EPHA10: variants seen among roughly 807,000 people sequenced by gnomAD.
EPHA10 encodes EPH receptor A10.
Under a neutral mutation model 109.7 loss-of-function variants are expected in EPHA10, and 120 were observed. The observed-to-expected ratio is 1.09, with a 90% CI of 0.94 to 1.27. The LOEUF (loss-of-function observed/expected upper bound fraction) is 1.27, where lower values mean the gene tolerates loss of function less well. Among genes scored for constraint, EPHA10 ranks in the 50% most tolerant of loss-of-function variants. The probability of loss-of-function intolerance (pLI) is 0.00; values close to 1 mark genes in which losing one functional copy is unlikely to be tolerated. For missense variants in EPHA10, 1,396 were observed against 1,411.1 expected, an observed-to-expected ratio of 0.99 and a Z score of 0.17; for synonymous variants, 640 against 618.9, an observed-to-expected ratio of 1.03 and a Z score of -0.51.
At position 37,718,458 on chromosome 1, in the gene EPHA10, C is replaced by G; in HGVS notation, c.2941G>C (p.Ala981Pro). The change falls in exon 17 of 17, where the codon GCT becomes CCT. Residue 981 changes from alanine to proline, a missense_variant. By Grantham distance (27) the Ala-to-Pro change is conservative (BLOSUM62 -1). Transcript: ENST00000373048. ...CTGAGGAGGGCCTCTCGATGTTCAG[C>G]CAAAGAGATGCCTAGGCTCACCAGG... ...QDLVSLGISL[A>P]EHREALLSGI... The G allele has an allele frequency of 6.2e-7, 1 of 1,613,476 alleles. No homozygotes were observed. Among genetic ancestry groups the G allele is most frequent in the Non-Finnish European group, 8.5e-7 (1 of 1,180,016 alleles).
chr1:37,722,689 G>C, intron 10 of EPHA10: 2 of 392,526 alleles, frequency 5.1e-6, no homozygotes, highest in South Asian at 4.1e-5. Context: ...CGGGTCAGTG[G>C]GAGAGCCAGG....
chr1:37,738,814 G>T (rs1056181787), intron 5 of EPHA10, among the ~76,000 whole-genome samples: 3 of 135,800 alleles, frequency 2.2e-5, no homozygotes, highest in African/African-American at 7.7e-5. Context: ...GGAATACTAT[G>T]CAGCCATAAA....
intron 5 of EPHA10, among the ~76,000 whole-genome samples, chr1:37,742,886 T>G (rs1646175878): frequency 6.6e-6 from 1 of 152,026 alleles, no homozygotes; most frequent in Non-Finnish European, 1.5e-5. Context: ...TCCTAGCCAC[T>G]TGGGAGGCTC....
intron 3 of EPHA10, among the ~76,000 whole-genome samples, chr1:37,757,519 T>C (rs1239063280): frequency 6.6e-6 from 1 of 152,188 alleles, no homozygotes; most frequent in Non-Finnish European, 1.5e-5. Flanking sequence ...ACTTCTATAC[T>C]TCTCCAAACC....
chr1:37,761,803 T>G lies in EPHA10; in HGVS notation c.452A>C (p.Lys151Thr), dbSNP rs1055490536. The change falls in exon 3 of 17, where the codon AAA becomes ACA. Residue 151 changes from lysine (K) to threonine (T), a missense_variant. Transcript: ENST00000373048. ...RPRLGGSRPR[K>T]IDTIAADESF... ...CTCGTCCGCCGCGATCGTGTCGATT[T>G]TGCGGGGCCGGCTGCCGCCTAGGCG... is the stretch of plus-strand genomic sequence containing the variant. The G allele has an allele frequency of 1.2e-6, 2 of 1,613,728 alleles. No homozygotes were observed. The highest frequency in any genetic ancestry group is 4.5e-5 in the East Asian group (2 of 44,866).
chr1:37,750,580 CT>C (rs1224590675), intron 5 of EPHA10, among the ~76,000 whole-genome samples: 1,666 of 141,296 alleles, frequency 0.012, 14 homozygotes, highest in African/African-American at 0.029. Flanking sequence ...CTGAATAAAA[CT>C]TTTTTTTTTT....
Position 37,752,998 on chromosome 1 carries a change from A to C in EPHA10, c.1235T>G (p.Leu412Arg). The change falls in exon 5 of 17, where the codon CTG becomes CGG. Residue 412 changes from leucine (L) to arginine (R), a missense_variant. Coordinates refer to ENST00000373048, the MANE Select transcript of EPHA10 (RefSeq NM_001099439.2). ...GCGCGCGCCGGGCCGCAGGTGCAGC[A>C]GCGTGGCGGCTCGCTCCCGCAGCCC... Reference protein sequence around the residue: ...QAGLRERAATLLHLRPGARYT... With the variant: ...QAGLRERAATRLHLRPGARYT... 8.1e-7 allele frequency: 1 copy of C among 1,235,264 alleles called. No individual in the cohort carries two copies. The allele number at this position is 1,235,264 out of a possible 1,614,324, so 76.5% of individuals were successfully genotyped here. A position where few individuals can be genotyped will look rare whatever the true frequency, so the allele number is the denominator to read the frequency against.
intron 5 of EPHA10, among the ~76,000 whole-genome samples, chr1:37,736,275 G>A (rs921843726): frequency 6.6e-6 from 1 of 152,022 alleles, no homozygotes; most frequent in Non-Finnish European, 1.5e-5. Context: ...CCAGGAGTTC[G>A]AGACCAGCCT....
chr1:37,732,324 G>A (rs558247899), intron 6 of EPHA10, among the ~76,000 whole-genome samples: 181 of 152,076 alleles, frequency 1.2e-3, no homozygotes, highest in African/African-American at 4.0e-3. Context: ...TTTTTTGCTC[G>A]ACATCATGCT....
chr1:37,751,201 C>CAAAAAAAAA (rs1320111085), intron 5 of EPHA10, among the ~76,000 whole-genome samples: 5 of 46,100 alleles, frequency 1.1e-4, no homozygotes, highest in East Asian at 7.1e-4. Context: ...AGACTCCTCT[C>CAAAAAAAAA]AAAAAAAAAA....
chr1:37,714,603 G>A (rs1322881109), downstream of EPHA10: 1 of 152,266 alleles, frequency 6.6e-6, no homozygotes, highest in African/African-American at 2.4e-5. Context: ...CAGTAACTCA[G>A]AAGGTGACCA....
At chr1:37,763,914 G>A (rs889044899) in intron 1 of EPHA10, among the ~76,000 whole-genome samples, 6 of 152,196 alleles carry the variant, frequency 3.9e-5, no homozygotes, top group Non-Finnish European at 5.9e-5. Flanking sequence ...CACTGCTTTT[G>A]AAAGAATGTC....
intron 6 of EPHA10, among the ~76,000 whole-genome samples, chr1:37,734,023 T>G (rs2148334229): frequency 6.6e-6 from 1 of 152,242 alleles, no homozygotes; most frequent in Admixed American, 6.5e-5. Flanking sequence ...CAGCAGTGAC[T>G]CAGGACTCTC....
chr1:37,754,989 G>A lies in EPHA10; in HGVS notation c.851-619C>T, dbSNP rs1260473550. 2.0e-5 allele frequency among the ~76,000 whole-genome samples: 3 copies of A among 151,972 alleles called. No individual in the cohort carries two copies. The highest frequency in any genetic ancestry group is 7.3e-5 in the African/African-American group (3 of 41,354). On this transcript the variant is annotated intron_variant, in intron 3 of 16. Coordinates refer to ENST00000373048, the MANE Select transcript of EPHA10 (RefSeq NM_001099439.2). This position sits in a 1 kb window ranked among gnomAD's most constrained non-coding sequence, Gnocchi z 4.5. Reference sequence around the variant, plus strand: ...CTTTTTTTGTATTTTTAGTAGAGATGGAGTTTCACCATGCTGACCAGGCTG... The same window carrying A: ...CTTTTTTTGTATTTTTAGTAGAGATAGAGTTTCACCATGCTGACCAGGCTG...
intron 5 of EPHA10, among the ~76,000 whole-genome samples, chr1:37,735,760 T>G (rs914204589): frequency 6.6e-6 from 1 of 152,046 alleles, no homozygotes; most frequent in Non-Finnish European, 1.5e-5. Context: ...AGAGAGCATT[T>G]AGAGGCAGAA....
chr1:37,758,714 T>C (rs1214971435), intron 3 of EPHA10, among the ~76,000 whole-genome samples: 2 of 152,224 alleles, frequency 1.3e-5, no homozygotes, highest in African/African-American at 2.4e-5. Flanking sequence ...TTGTTGGCCC[T>C]CTTGGCTTCT....
chr1:37,737,441 A>C (rs939814426), intron 5 of EPHA10, among the ~76,000 whole-genome samples: 11 of 152,246 alleles, frequency 7.2e-5, no homozygotes, highest in Admixed American at 7.2e-4. Context: ...TACAGAGCCC[A>C]GAAATAACTC....
rs909123242 is a variant in EPHA10 at position 37,765,092 on chromosome 1, G to C, written c.-26C>G. ...GGTCCGCAGACCGAGCTGTCAGTCC[G>C]GCGGCGGCTCAAGCCGCGCCAGCCT... On this transcript the variant is annotated 5_prime_UTR_variant, in exon 1 of 17. Transcript: ENST00000373048. 4 of 1,564,266 alleles carry C rather than the reference G, an allele frequency of 2.6e-6. No individual in the cohort carries two copies. The highest frequency in any genetic ancestry group is 2.7e-5 in the African/African-American group (2 of 74,052).
Position 37,720,027 on chromosome 1 carries a change from G to A in EPHA10, c.2444C>T (p.Pro815Leu). The A allele has an allele frequency of 6.2e-7, 1 of 1,613,746 alleles. No homozygotes were observed. The highest frequency in any genetic ancestry group is 1.1e-5 in the South Asian group (1 of 91,082). ...SGRSPALWAA[P>L]ETLQFGHFSS... ...GAAGTGGCCAAACTGAAGTGTCTCG[G>A]GAGCGGCCCATAGCGCTGGGCTCCG... The change falls in exon 14 of 17, where the codon CCC becomes CTC. Residue 815 changes from proline to leucine, a missense_variant. By Grantham distance (98) the Pro-to-Leu change is moderately conservative. Transcript: ENST00000373048.
Sources: allele counts gnomAD v4.1 joint callset (sites outside exome capture counted in the v4.1 genomes callset), GRCh38; gene constraint gnomAD v4.1.1; non-coding constraint Gnocchi (gnomAD v3.1); transcripts MANE v1.5; gene names NCBI Gene and HGNC (gene_info 2026-07-23, HGNC 2026-07-21).